The following MTMR11 variants were observed in gnomAD, a reference collection of about 807,000 sequenced individuals.
MTMR11 encodes myotubularin-related protein 11.
A neutral mutation model predicts 100.0 loss-of-function variants in MTMR11; 89 were observed. The ratio of observed to expected loss-of-function variants is 0.89; its 90% CI spans 0.75 to 1.06. The LOEUF is 1.06. Among genes scored for constraint, MTMR11 ranks in the 50% least tolerant of loss-of-function variants. The pLI, the probability that MTMR11 is intolerant of heterozygous loss-of-function variation, is 0.00. For synonymous variants in MTMR11, 336 were observed against 326.3 expected (o/e 1.03, Z -0.32); for missense variants, 809 against 873.7 (o/e 0.93, Z 0.93).
intron 15 of MTMR11, 83 bp from the exon 16 acceptor site, chr1:149,929,999 G>C: frequency 1.4e-6 from 2 of 1,389,812 alleles, no homozygotes; most frequent in Non-Finnish European, 2.0e-6. Flanking sequence ...AGGGTGTCCT[G>C]CTGCCACCCA....
Position 149,929,337 on chromosome 1 carries a change from G to A in MTMR11, c.1942-20C>T. On this transcript the variant is annotated intron_variant, in intron 16 of 16. Transcript: ENST00000439741. ...GCCCATCTGGGGAGGAGGCAAAGAG[G>A]AACAGAGAAGAATACTGTTGTAGCT... The A allele has an allele frequency of 6.3e-7, 1 of 1,592,902 alleles. No homozygotes were observed. The highest frequency in any genetic ancestry group is 8.6e-7 in the Non-Finnish European group (1 of 1,161,614).
In MTMR11 at chr1:149,928,679, C is replaced by T; in HGVS notation, c.*450G>A. The T allele has an allele frequency of 3.3e-6, 2 of 611,986 alleles. No homozygotes were observed. Among genetic ancestry groups the T allele is most frequent in the South Asian group, 2.0e-5 (1 of 48,924 alleles). The allele number at this position is 611,986 out of a possible 1,614,324, so 37.9% of individuals were successfully genotyped here. ...GTATAAATACTATGCTTTAATGAGCCCCTTAAATAGAAATTCCACTACAAA... is the reference window on the plus strand; with the variant it reads ...GTATAAATACTATGCTTTAATGAGCTCCTTAAATAGAAATTCCACTACAAA... On this transcript the variant is annotated 3_prime_UTR_variant, in exon 17 of 17. Transcript: ENST00000439741.
intron 13 of MTMR11, 109 bp from the exon 14 acceptor site, chr1:149,931,074 C>G (rs2092653665): frequency 7.4e-7 from 1 of 1,355,674 alleles, no homozygotes; most frequent in African/African-American, 1.5e-5. Flanking sequence ...TTATGGAAGT[C>G]AGGGAATGAA....
At chr1:149,936,542 T>C in intron 1 of MTMR11, 40 bp downstream of exon 1, 1 of 1,408,032 alleles carries the variant, frequency 7.1e-7, no homozygotes. Flanking sequence ...ATCCCCGTTC[T>C]CACCCTCTTG....
In MTMR11 at chr1:149,936,755, GA is replaced by G; in HGVS notation, c.-109del. Reference sequence around the variant, plus strand: ...TTGTTGAGAAGAGGGGTGTTAGGGAGAGGGGTAGGGGGTTGGACACAAGGGA... The same window carrying G: ...TTGTTGAGAAGAGGGGTGTTAGGGAGGGGGTAGGGGGTTGGACACAAGGGA... On this transcript the variant is annotated 5_prime_UTR_variant, in exon 1 of 17. The change creates a premature stop within an existing upstream ORF in the 5' untranslated region. Transcript: ENST00000439741. 1 of 757,892 alleles carries G rather than the reference GA, an allele frequency of 1.3e-6. No homozygotes were observed. Among genetic ancestry groups the G allele is most frequent in the Non-Finnish European group, 2.3e-6 (1 of 437,578 alleles). 46.9% of individuals were successfully genotyped at this position (757,892 alleles called of 1,614,324 possible). A position where few individuals can be genotyped will look rare whatever the true frequency, so the allele number is the denominator to read the frequency against.
intron 5 of MTMR11, 95 bp from the exon 6 acceptor site, chr1:149,934,621 G>T: frequency 7.7e-7 from 1 of 1,297,628 alleles, no homozygotes; most frequent in Non-Finnish European, 1.1e-6. Context: ...TCTTTGCCAA[G>T]AATGAAGAAG....
rs782424911 is a variant in MTMR11 at position 149,936,121 on chromosome 1, G to A, written c.142+33C>T. 44 of 1,584,312 alleles carry A rather than the reference G, an allele frequency of 2.8e-5. No individual in the cohort carries two copies. In the East Asian group the frequency reaches 9.6e-4, roughly 35 times the overall value. Reference sequence around the variant, plus strand: ...ACAAGATTGGCGTAGGATGAAATTTGGAAGTCTTTGGAGAGTGATAGGGCA... The same window carrying A: ...ACAAGATTGGCGTAGGATGAAATTTAGAAGTCTTTGGAGAGTGATAGGGCA... On this transcript the variant is annotated intron_variant, in intron 2 of 16. Transcript: ENST00000439741.
intron 7 of MTMR11, 115 bp downstream of exon 7, chr1:149,934,076 T>C (rs891889749): frequency 8.3e-6 from 13 of 1,561,936 alleles, no homozygotes; most frequent in Non-Finnish European, 1.1e-5. Flanking sequence ...GCAAGGGAGA[T>C]AGCTTTGTGG....
At position 149,930,389 on chromosome 1, in the gene MTMR11, T is replaced by C; in HGVS notation, c.1623A>G (p.Pro541=). 1 of 1,613,774 alleles carries C rather than the reference T, an allele frequency of 6.2e-7. No individual in the cohort carries two copies. The highest frequency in any genetic ancestry group is 8.5e-7 in the Non-Finnish European group (1 of 1,179,748). The change falls in exon 15 of 17, where the codon CCA becomes CCG. Residue 541 remains proline, a synonymous_variant. Coordinates refer to ENST00000439741, the MANE Select transcript of MTMR11 (RefSeq NM_001145862.2). ...QNPGYDPEHC[P]DSWLPRPQPS... is the part of the protein sequence containing the mutation. Reference sequence around the variant, plus strand: ...CCTGTGGTCTAGGGAGCCAGGAATCTGGACAGTGTTCTGGGTCATAGCCAG... The same window carrying C: ...CCTGTGGTCTAGGGAGCCAGGAATCCGGACAGTGTTCTGGGTCATAGCCAG...
At position 149,934,888 on chromosome 1, in the gene MTMR11, G is replaced by A. The variant is rs587643338; in HGVS notation, c.468+98C>T. ...CCTTGAGAGAAGCAGGGGGAATGAT[G>A]AGAGGATCCCAGGGGCTGGAGGAGT... On this transcript the variant is annotated intron_variant, in intron 5 of 16. Transcript: ENST00000439741. 3,373 of 1,411,402 alleles carry A rather than the reference G, an allele frequency of 2.4e-3. 58 individuals are homozygous for A. The South Asian group carries it at 0.027, about 11-fold the overall frequency. The allele number at this position is 1,411,402 out of a possible 1,614,324, so 87.4% of individuals were successfully genotyped here. A position where few individuals can be genotyped will look rare whatever the true frequency, so the allele number is the denominator to read the frequency against.
rs1553767022 is a variant in MTMR11, at chr1:149,929,803, G to C, written c.1761C>G (p.Val587=). Residue 587 remains valine (V), a synonymous_variant, in exon 16 of 17, where the codon GTC becomes GTG. Transcript: ENST00000439741. ...PWRDSPSLLA[V]SSRWLPRPAI... ...CAGGTCGAGGGAGCCAACGAGAAGA[G>C]ACTGCCAGCAGGGAAGGACTGTCCC... The C allele has an allele frequency of 6.2e-7, 1 of 1,614,208 alleles. No individual in the cohort carries two copies. Among genetic ancestry groups the C allele is most frequent in the African/African-American group, 1.3e-5 (1 of 75,054 alleles).
intron 13 of MTMR11, 96 bp from the exon 14 acceptor site, chr1:149,931,061 A>C (rs782820587): frequency 1.2e-5 from 16 of 1,373,628 alleles, no homozygotes; most frequent in Non-Finnish European, 6.8e-6. Context: ...GAATAGGGGG[A>C]ACTTATGGAA....
rs782624379 is a variant in MTMR11, at chr1:149,928,893, G to A, written c.*236C>T. 9.9e-6 allele frequency: 16 copies of A among 1,614,008 alleles called. No individual in the cohort carries two copies. The highest frequency in any genetic ancestry group is 2.2e-5 in the East Asian group (1 of 44,882). ...TAACATCTGGTTATCCAGAAGGGAT[G>A]GGATTGGCCTAAAAAAACCGATCAA... On this transcript the variant is annotated 3_prime_UTR_variant, in exon 17 of 17. Transcript: ENST00000439741.
In MTMR11 at chr1:149,929,108, A is replaced by T; in HGVS notation, c.*21T>A. 6.4e-7 allele frequency: 1 copy of T among 1,567,834 alleles called. No homozygotes were observed. The highest frequency in any genetic ancestry group is 2.0e-5 in the Admixed American group (1 of 48,918). On this transcript the variant is annotated 3_prime_UTR_variant, in exon 17 of 17. Transcript: ENST00000439741. ...AGTGCAGATACAAAAAAAAAAAAAA[A>T]AGATTAGACAGAACCCTCCTCTACC...
chr1:149,933,693 C>G lies in MTMR11; in HGVS notation c.777G>C (p.Leu259Phe). The part of the protein sequence containing the change: ...GHFHQGRGPR[L>F]SWHHPGGSDL... ...CACTGCCCCCAGGGTGATGCCAGGA[C>G]AAGCGCTTCACATGGGGCAGAAGAG... Residue 259 changes from leucine to phenylalanine, a missense_variant, in exon 9 of 17, where the codon TTG (leucine) becomes TTC (phenylalanine). Leu to Phe is a conservative substitution (Grantham distance 22). Transcript: ENST00000439741. 1.2e-6 allele frequency: 2 copies of G among 1,614,170 alleles called. No homozygotes were observed. Among genetic ancestry groups the G allele is most frequent in the East Asian group, 2.2e-5 (1 of 44,882 alleles).
chr1:149,928,699 T>TA lies in MTMR11; in HGVS notation c.*429dup, dbSNP rs2092612981. 7.8e-6 allele frequency: 5 copies of TA among 644,604 alleles called. No homozygotes were observed. The African/African-American group carries it at 9.2e-5, about 12-fold the overall frequency. The allele number at this position is 644,604 out of a possible 1,614,324, so 39.9% of individuals were successfully genotyped here. A position where few individuals can be genotyped will look rare whatever the true frequency, so the allele number is the denominator to read the frequency against. On this transcript the variant is annotated 3_prime_UTR_variant, in exon 17 of 17. Transcript: ENST00000439741. ...TGAGCCCCTTAAATAGAAATTCCAC[T>TA]ACAAAAATACAGAGGAGATAGGGTG...
intron 10 of MTMR11, among the ~76,000 whole-genome samples, chr1:149,932,734 A>T (rs985041188): frequency 6.6e-6 from 1 of 151,840 alleles, no homozygotes; most frequent in Non-Finnish European, 1.5e-5. Context: ...TCATCTGAGG[A>T]GTTTGAGACC....
chr1:149,933,533 G>A lies in MTMR11; in HGVS notation c.861-3C>T. 6.2e-7 allele frequency: 1 copy of A among 1,614,036 alleles called. No individual in the cohort carries two copies. The highest frequency in any genetic ancestry group is 8.5e-7 in the Non-Finnish European group (1 of 1,179,926). On this transcript the variant is annotated splice_polypyrimidine_tract_variant and splice_region_variant and intron_variant, in intron 9 of 16. Transcript: ENST00000439741. ...CCTGGAGCATCAACTCCACTGCTCT[G>A]GAGGGGAGGGAGTCAGGAAATAAGG...
At position 149,936,193 on chromosome 1, in the gene MTMR11, G is replaced by A. The variant is rs781943476; in HGVS notation, c.103C>T (p.Arg35Cys). The change falls in exon 2 of 17, where the codon CGT becomes TGT. Residue 35 changes from arginine (R) to cysteine (C), a missense_variant. By Grantham distance (180) the Arg-to-Cys change is radical (BLOSUM62 -3). Transcript: ENST00000439741. ...QENRMPEPRS[R>C]QPSSCLASRC... Reference sequence around the variant, plus strand: ...GAGGCCAGGCAACTGCTAGGCTGACGACTCCTGGGCTCCGGCATCCTATTT... The same window carrying A: ...GAGGCCAGGCAACTGCTAGGCTGACAACTCCTGGGCTCCGGCATCCTATTT... The A allele has an allele frequency of 4.3e-6, 7 of 1,613,974 alleles. No individual in the cohort carries two copies. The Admixed American group carries it at 5.0e-5, about 12-fold the overall frequency.
Sources: allele counts gnomAD v4.1 joint callset (sites outside exome capture counted in the v4.1 genomes callset), GRCh38; gene constraint gnomAD v4.1.1; transcripts MANE v1.5; gene names NCBI Gene and HGNC (gene_info 2026-07-23, HGNC 2026-07-21).